The following CFAP47 variants were observed in gnomAD, a reference collection of about 807,000 sequenced individuals.
CFAP47 encodes cilia and flagella associated protein 47, also known as cilia- and flagella-associated protein 47.
In CFAP47, 29 loss-of-function variants were observed where a neutral mutation model predicts 148.1. The observed-to-expected ratio is 0.20, with a 90% confidence interval of 0.15 to 0.27. CFAP47 has a LOEUF of 0.27. Among genes scored for constraint, CFAP47 ranks in the 10% least tolerant of loss-of-function variants. The probability of loss-of-function intolerance (pLI) is 1.00; values close to 1 mark genes in which losing one functional copy is unlikely to be tolerated. For missense variants in CFAP47, 1,872 were observed against 1,697.5 expected, an observed-to-expected ratio of 1.10 and a Z score of -1.81; for synonymous variants, 664 against 577.3, an observed-to-expected ratio of 1.15 and a Z score of -2.15.
chrX:36,217,970 A>AATTATAT (rs2146893449), intron 45 of CFAP47, among the ~76,000 whole-genome samples: 1 of 111,952 alleles, frequency 8.9e-6, no homozygotes, highest in African/African-American at 3.2e-5. Flanking sequence ...CATGCTCTAC[A>AATTATAT]ATTATATATT....
chrX:36,099,894 A>G lies in CFAP47; in HGVS notation c.5127+15A>G. 4 of 870,259 alleles carry G rather than the reference A, an allele frequency of 4.6e-6. No homozygotes were observed. In the Middle Eastern group the frequency reaches 1.1e-3, roughly 249 times the overall value. The allele number at this position is 870,259 out of a possible 1,213,427, so 71.7% of individuals were successfully genotyped here. On this transcript the variant is annotated intron_variant, in intron 32 of 63. Transcript: ENST00000378653. ...AGATATACAAGGTAACATTTCCATT[A>G]TTGTTCGCTGCTTCTCTGTTGATTA...
intron 49 of CFAP47, among the ~76,000 whole-genome samples, chrX:36,272,816 C>T (rs1940974484): frequency 9.0e-6 from 1 of 111,286 alleles, no homozygotes. Flanking sequence ...TTCCATTTTT[C>T]CATAAACTTT....
At chrX:36,068,683 C>T (rs5973569) in intron 27 of CFAP47, among the ~76,000 whole-genome samples, 27,352 of 105,921 alleles carry the variant, frequency 0.26, 5,134 homozygotes, top group African/African-American at 0.64. Flanking sequence ...TTTGGCCGGG[C>T]GCAGGGGCTC....
intron 29 of CFAP47, among the ~76,000 whole-genome samples, chrX:36,077,476 A>G (rs775363959): frequency 9.3e-6 from 1 of 107,551 alleles, no homozygotes; most frequent in African/African-American, 3.4e-5. Context: ...CCTTGTATAG[A>G]TCTTTCACCC....
chrX:36,303,076 TCA>T (rs1316504968), intron 53 of CFAP47, among the ~76,000 whole-genome samples: 2 of 112,233 alleles, frequency 1.8e-5, no homozygotes, highest in Non-Finnish European at 3.8e-5. Flanking sequence ...ATGTATTGTC[TCA>T]CAGTTCTGAG....
chrX:35,944,858 T>C (rs1433803734), intron 3 of CFAP47, among the ~76,000 whole-genome samples: 1 of 112,307 alleles, frequency 8.9e-6, no homozygotes, highest in East Asian at 2.8e-4. Context: ...GGTACCCTTA[T>C]GTTTTATGTG....
chrX:36,120,543 C>A (rs187317959), intron 33 of CFAP47, among the ~76,000 whole-genome samples: 9 of 111,126 alleles, frequency 8.1e-5, no homozygotes, highest in Non-Finnish European at 5.7e-5. Context: ...GATGTATCCC[C>A]TAGGTTTGGT....
intron 33 of CFAP47, among the ~76,000 whole-genome samples, chrX:36,132,370 C>T (rs1455500418): frequency 9.0e-6 from 1 of 111,624 alleles, no homozygotes; most frequent in Admixed American, 9.5e-5. Flanking sequence ...AACCATTGAC[C>T]AACACGTCTC....
chrX:36,064,481 A>G (rs1937620076), intron 26 of CFAP47, among the ~76,000 whole-genome samples: 1 of 112,165 alleles, frequency 8.9e-6, no homozygotes, highest in Non-Finnish European at 1.9e-5. Flanking sequence ...AAAATATTGT[A>G]TGCAGAACTG....
intron 30 of CFAP47, among the ~76,000 whole-genome samples, chrX:36,089,432 T>G (rs981964121): frequency 5.4e-5 from 6 of 112,139 alleles, no homozygotes; most frequent in African/African-American, 1.9e-4. Flanking sequence ...TTCTCACTTA[T>G]GCATGACCAT....
At position 36,319,209 on chromosome X, in the gene CFAP47, G is replaced by T. The variant is rs1207114729; in HGVS notation, c.8345G>T (p.Ser2782Ile). 3.8e-6 allele frequency: 4 copies of T among 1,042,682 alleles called. No homozygotes were observed. Among genetic ancestry groups the T allele is most frequent in the Non-Finnish European group, 5.2e-6 (4 of 775,913 alleles). 85.9% of individuals were successfully genotyped at this position (1,042,682 alleles called of 1,213,427 possible). ...TAATATCTCTTTATTTTTTAATTAG[G>T]TGTGGAACATCCCAGGAATCTTGTC... ...EDVLIDIILT[S>I]VEHPRNLVMD... The change falls in exon 57 of 64, where the codon AGT (serine) becomes ATT (isoleucine). Residue 2782 changes from serine (S) to isoleucine (I), a missense_variant and splice_region_variant. Coordinates refer to ENST00000378653, the MANE Select transcript of CFAP47 (RefSeq NM_001304548.2).
intron 57 of CFAP47, among the ~76,000 whole-genome samples, chrX:36,338,081 G>T (rs1941623616): frequency 1.1e-5 from 1 of 94,234 alleles, no homozygotes; most frequent in Admixed American, 1.2e-4. Context: ...TAGAGACGGG[G>T]TTTCACCGTG....
intron 1 of CFAP47, among the ~76,000 whole-genome samples, chrX:35,924,525 A>AGG (rs1368737746): frequency 1.3e-4 from 13 of 100,203 alleles, no homozygotes; most frequent in African/African-American, 3.3e-4. Context: ...ATGTGTATAT[A>AGG]TGCACATATA....
intron 35 of CFAP47, 175 bp from the exon 36 acceptor site, chrX:36,145,044 T>C (rs926258939): frequency 2.5e-6 from 1 of 395,625 alleles, no homozygotes. Context: ...AGCCAATTCT[T>C]CCTAATAAAT....
rs150033957 is a variant in CFAP47 at position 36,258,681 on chromosome X, A to G, written c.7444+7237A>G. 8.7e-4 allele frequency among the ~76,000 whole-genome samples: 97 copies of G among 112,052 alleles called. 1 individual carries two copies. The East Asian group carries it at 9.3e-3, about 11-fold the overall frequency. ...CATCGACATATAATTATTTTTCTAT[A>G]TTTCCATGTTGCATAAATAAAAGAC... On this transcript the variant is annotated intron_variant, in intron 49 of 63. Coordinates refer to ENST00000378653, the MANE Select transcript of CFAP47 (RefSeq NM_001304548.2).
chrX:35,985,543 T>A (rs1936702860), intron 15 of CFAP47, among the ~76,000 whole-genome samples: 1 of 110,918 alleles, frequency 9.0e-6, no homozygotes, highest in African/African-American at 3.3e-5. Flanking sequence ...GCTGGTCTGC[T>A]ATAGTTCCTT....
At chrX:36,312,753 G>C (rs1226510441) in intron 56 of CFAP47, among the ~76,000 whole-genome samples, 3 of 111,707 alleles carry the variant, frequency 2.7e-5, no homozygotes, top group African/African-American at 9.7e-5. Context: ...ATTAAAAATT[G>C]ATCAGTCTTT....
intron 57 of CFAP47, among the ~76,000 whole-genome samples, chrX:36,323,487 A>G (rs1430048303): frequency 1.8e-5 from 2 of 111,341 alleles, no homozygotes; most frequent in African/African-American, 6.5e-5. Context: ...CTAAACTTGC[A>G]CCTTCTAATT....
intron 45 of CFAP47, among the ~76,000 whole-genome samples, chrX:36,222,711 T>A (rs1273051810): frequency 2.7e-5 from 3 of 110,999 alleles, no homozygotes; most frequent in Non-Finnish European, 3.8e-5. Context: ...CTACATTTCA[T>A]ATTTTTATTA....
Sources: allele counts gnomAD v4.1 joint callset (sites outside exome capture counted in the v4.1 genomes callset), GRCh38; gene constraint gnomAD v4.1.1; transcripts MANE v1.5; gene names NCBI Gene and HGNC (gene_info 2026-07-23, HGNC 2026-07-21).